The following FAIM variants were observed in gnomAD, a reference collection of about 807,000 sequenced individuals.
FAIM encodes the protein Fas apoptotic inhibitory molecule.
In FAIM, 14 loss-of-function variants were observed where a neutral mutation model predicts 21.2. The observed-to-expected ratio is 0.66, with a 90% CI of 0.44 to 1.03. The LOEUF (loss-of-function observed/expected upper bound fraction) is 1.03. FAIM is among the 50% of genes least tolerant of loss of function. The pLI is 0.00. For missense variants in FAIM, 222 were observed against 247.1 expected, an observed-to-expected ratio of 0.90 and a Z score of 0.68; for synonymous variants, 86 against 80.4, an observed-to-expected ratio of 1.07 and a Z score of -0.37.
chr3:138,614,454 AAAG>A (rs2042804436), intron 1 of FAIM, among the ~76,000 whole-genome samples: 1 of 152,076 alleles, frequency 6.6e-6, no homozygotes, highest in Non-Finnish European at 1.5e-5. Flanking sequence ...AAACAAAAAA[AAAG>A]AAGGATTTTC....
chr3:138,620,278 A>C (rs2042870019), intron 2 of FAIM, among the ~76,000 whole-genome samples: 1 of 152,226 alleles, frequency 6.6e-6, no homozygotes, highest in Admixed American at 6.5e-5. Context: ...AATATATTTA[A>C]AGCTCTTAGA....
At chr3:138,614,177 T>C (rs1389004280) in intron 1 of FAIM, among the ~76,000 whole-genome samples, 2 of 152,210 alleles carry the variant, frequency 1.3e-5, no homozygotes, top group East Asian at 3.8e-4. Flanking sequence ...TGGTGGCTTA[T>C]GCCTGTAATC....
intron 4 of FAIM, among the ~76,000 whole-genome samples, chr3:138,625,017 T>C (rs2108350941): frequency 6.6e-6 from 1 of 151,526 alleles, no homozygotes; most frequent in East Asian, 1.9e-4. Context: ...TATTTAAAAA[T>C]TAGCTAAGTG....
rs778195528 is a variant in FAIM at position 138,622,259 on chromosome 3, A to T, written c.249A>T (p.Thr83=). 3 of 1,613,772 alleles carry T rather than the reference A, an allele frequency of 1.9e-6. No homozygotes were observed. In the African/African-American group the frequency reaches 4.0e-5, roughly 22 times the overall value. The change falls in exon 4 of 6, where the codon ACA becomes ACT. Residue 83 remains threonine, a synonymous_variant. Transcript: ENST00000360570. ...CATTCTATGTTGGAGCTGCAAAGAC[A>T]AAAGCGACCATAAATATAGACGCTA... ...KETFYVGAAK[T]KATINIDAIS... is the part of the protein sequence containing the mutation.
chr3:138,628,937 AG>A (rs2042971604), intron 4 of FAIM, among the ~76,000 whole-genome samples, 169 bp from the exon 5 acceptor site: 1 of 152,224 alleles, frequency 6.6e-6, no homozygotes, highest in Non-Finnish European at 1.5e-5. Context: ...TTCAAATTTT[AG>A]GAGAGTCTGC....
At chr3:138,620,948 C>T (rs1371918856) in intron 2 of FAIM, among the ~76,000 whole-genome samples, 2 of 151,992 alleles carry the variant, frequency 1.3e-5, no homozygotes, top group African/African-American at 4.8e-5. Context: ...TAAAACAAAT[C>T]CCTAGTGCGA....
chr3:138,622,842 C>T (rs1201215863), intron 4 of FAIM, among the ~76,000 whole-genome samples: 1 of 151,842 alleles, frequency 6.6e-6, no homozygotes, highest in Non-Finnish European at 1.5e-5. Flanking sequence ...AGTTTGAGAC[C>T]AGCCTGGCCA....
chr3:138,622,500 T>TA, intron 4 of FAIM, 84 bp downstream of exon 4: 3 of 906,154 alleles, frequency 3.3e-6, no homozygotes, highest in Non-Finnish European at 5.0e-6. Flanking sequence ...AGACCTTCTA[T>TA]GGAGGTTTGA....
intron 1 of FAIM, among the ~76,000 whole-genome samples, chr3:138,615,045 A>ATAATACCTAAG (rs1365586964): frequency 6.6e-6 from 1 of 152,250 alleles, no homozygotes; most frequent in Non-Finnish European, 1.5e-5. Flanking sequence ...AAATGGATTT[A>ATAATACCTAAG]GTACACCTAA....
intron 4 of FAIM, among the ~76,000 whole-genome samples, chr3:138,627,937 C>T (rs1285684448): frequency 6.6e-6 from 1 of 152,150 alleles, no homozygotes; most frequent in Non-Finnish European, 1.5e-5. Flanking sequence ...CAAACCTGAC[C>T]CCCAGACTCC....
intron 1 of FAIM, among the ~76,000 whole-genome samples, chr3:138,609,778 A>G (rs1395770255): frequency 2.0e-5 from 3 of 151,992 alleles, no homozygotes; most frequent in Non-Finnish European, 4.4e-5. Context: ...TAGTTATTGC[A>G]AAAAGTAATT....
chr3:138,615,356 G>C (rs2042815464), intron 1 of FAIM, among the ~76,000 whole-genome samples: 1 of 152,288 alleles, frequency 6.6e-6, no homozygotes, highest in East Asian at 1.9e-4. Flanking sequence ...CATTTGGTGG[G>C]CATTTAACTA....
At chr3:138,624,426 A>G (rs1388089431) in intron 4 of FAIM, among the ~76,000 whole-genome samples, 1 of 152,198 alleles carries the variant, frequency 6.6e-6, no homozygotes, top group Non-Finnish European at 1.5e-5. Context: ...GTCTTTAAAA[A>G]ATATATTTTT....
intron 5 of FAIM, 84 bp from the exon 6 acceptor site, chr3:138,632,846 A>G: frequency 7.5e-7 from 1 of 1,328,738 alleles, no homozygotes; most frequent in South Asian, 1.6e-5. Flanking sequence ...TTATTGCACT[A>G]CTAGTACTTT....
At chr3:138,627,661 G>T (rs2042952893) in intron 4 of FAIM, among the ~76,000 whole-genome samples, 1 of 152,152 alleles carries the variant, frequency 6.6e-6, no homozygotes, top group Admixed American at 6.6e-5. Context: ...TCATAGCACT[G>T]TGTGCACTGA....
Position 138,628,553 on chromosome 3 carries a change from C to T in FAIM, c.407-554C>T, listed in dbSNP as rs148618521. 4.1e-3 allele frequency among the ~76,000 whole-genome samples: 629 copies of T among 151,852 alleles called. 4 individuals are homozygous for T. The highest frequency in any genetic ancestry group is 0.014 in the African/African-American group (559 of 41,356). ...AGGCTAGAGTGCAGTGGTGCGGTCT[C>T]GGCTCACTGCAAGCTCCACCTCCCA... On this transcript the variant is annotated intron_variant, in intron 4 of 5. Coordinates refer to ENST00000360570, the MANE Select transcript of FAIM (RefSeq NM_001033031.2).
chr3:138,630,389 TGA>T (rs984213155), intron 5 of FAIM: 4 of 152,050 alleles, frequency 2.6e-5, no homozygotes, highest in Admixed American at 2.6e-4. Context: ...GAGGCTGACG[TGA>T]GAGGGACCCT....
intron 4 of FAIM, 53 bp from the exon 5 acceptor site, chr3:138,629,054 T>C: frequency 7.2e-7 from 1 of 1,389,660 alleles, no homozygotes; most frequent in Non-Finnish European, 1.0e-6. Context: ...AAAAGTTAAC[T>C]TTATCTTTAA....
intron 1 of FAIM, among the ~76,000 whole-genome samples, chr3:138,613,009 G>A (rs941266099): frequency 1.8e-5 from 2 of 113,322 alleles, no homozygotes; most frequent in Non-Finnish European, 3.8e-5. Context: ...GAAGTCCTTT[G>A]CCTTTTTTTT....
Sources: gnomAD v4.1 joint callset for allele counts (sites outside exome capture counted in the v4.1 genomes callset) on GRCh38, gnomAD v4.1.1 for gene constraint, MANE v1.5 for transcripts, NCBI Gene and HGNC (gene_info 2026-07-23, HGNC 2026-07-21) for gene names.